Variants in FRMD3 observed in about 807,000 individuals in gnomAD.
FRMD3 encodes FERM domain-containing protein 3.
A neutral mutation model predicts 70.2 loss-of-function variants in FRMD3; 33 were observed. The ratio of observed to expected loss-of-function variants is 0.47; its 90% CI spans 0.36 to 0.63. FRMD3 has a LOEUF of 0.63. FRMD3 is among the 20% of genes least tolerant of loss of function. FRMD3 has a pLI of 0.00. For missense variants in FRMD3, 632 were observed against 711.4 expected, an observed-to-expected ratio of 0.89 and a Z score of 1.27; for synonymous variants, 279 against 255.9, an observed-to-expected ratio of 1.09 and a Z score of -0.86.
chr9:83,307,831 T>A (rs562265254), intron 10 of FRMD3, among the ~76,000 whole-genome samples: 307 of 152,222 alleles, frequency 2.0e-3, no homozygotes, highest in South Asian at 3.3e-3. Flanking sequence ...ATTTAAAAAA[T>A]TTTTTTTAAA....
rs1175480479 is a variant in FRMD3 at position 83,479,624 on chromosome 9, A to AAAGGAAGGAAGG, written c.147+58449_147+58460dup. 2.4e-4 allele frequency among the ~76,000 whole-genome samples: 15 copies of AAAGGAAGGAAGG among 61,462 alleles called. 1 individual carries two copies. Among genetic ancestry groups the AAAGGAAGGAAGG allele is most frequent in the East Asian group, 3.7e-4 (1 of 2,722 alleles). 40.3% of individuals were successfully genotyped at this position (61,462 alleles called of 152,430 possible). A position where few individuals can be genotyped will look rare whatever the true frequency, so the allele number is the denominator to read the frequency against. ...CCTGAGGGATAGCAAGACCCTGAAG[A>AAAGGAAGGAAGG]AAGGAAGGAAGGAAGGAAGGAAGGA... On this transcript the variant is annotated intron_variant, in intron 1 of 13. Coordinates refer to ENST00000304195, the MANE Select transcript of FRMD3 (RefSeq NM_174938.6).
rs532198512 is a variant in FRMD3, at chr9:83,529,740, C to G, written c.147+8345G>C. Among the ~76,000 whole-genome samples, 36 of 152,278 alleles carry G rather than the reference C, an allele frequency of 2.4e-4. 1 individual carries two copies. The South Asian group carries it at 6.6e-3, about 28-fold the overall frequency. Reference sequence around the variant, plus strand: ...AATGGGAAAAAATATTTGCAAATCACTTATTATATAAAGGGTTTGTGTCCA... The same window carrying G: ...AATGGGAAAAAATATTTGCAAATCAGTTATTATATAAAGGGTTTGTGTCCA... On this transcript the variant is annotated intron_variant, in intron 1 of 13. Coordinates refer to ENST00000304195, the MANE Select transcript of FRMD3 (RefSeq NM_174938.6).
chr9:83,436,002 G>A (rs1003876544), intron 1 of FRMD3, among the ~76,000 whole-genome samples: 2 of 152,104 alleles, frequency 1.3e-5, no homozygotes, highest in Admixed American at 6.5e-5. Context: ...TTAAAAAAGA[G>A]AACCCAGAAT....
At chr9:83,267,291 G>A (rs947819839) in intron 13 of FRMD3, 7 of 1,471,682 alleles carry the variant, frequency 4.8e-6, no homozygotes, top group Non-Finnish European at 6.3e-6. Context: ...TAACTCATGA[G>A]GGATCAGCAT....
At chr9:83,485,531 T>A (rs528019287) in intron 1 of FRMD3, among the ~76,000 whole-genome samples, 1 of 152,246 alleles carries the variant, frequency 6.6e-6, no homozygotes. Context: ...ACACATCATG[T>A]CTCACATCTA....
At chr9:83,337,395 A>G (rs1298540542) in intron 5 of FRMD3, among the ~76,000 whole-genome samples, 4 of 152,200 alleles carry the variant, frequency 2.6e-5, no homozygotes, top group Non-Finnish European at 2.9e-5. Flanking sequence ...TCAAGGGTAA[A>G]AAGAGAAATG....
intron 1 of FRMD3, among the ~76,000 whole-genome samples, chr9:83,483,662 C>T (rs773537168): frequency 6.6e-6 from 1 of 152,058 alleles, no homozygotes; most frequent in Non-Finnish European, 1.5e-5. Context: ...AGTTTGAGAC[C>T]AGCCTGCGCA....
intron 1 of FRMD3, among the ~76,000 whole-genome samples, chr9:83,468,694 A>C (rs927549042): frequency 2.6e-5 from 4 of 152,190 alleles, no homozygotes; most frequent in Non-Finnish European, 5.9e-5. Context: ...CATCCTTCCC[A>C]ATAGCAGGAT....
chr9:83,553,468 T>G, the FRMD3 span, among the ~76,000 whole-genome samples: 1 of 152,170 alleles, frequency 6.6e-6, no homozygotes, highest in Non-Finnish European at 1.5e-5. Context: ...GATCTTCTTG[T>G]GTAGAAGAAG....
the FRMD3 span, among the ~76,000 whole-genome samples, chr9:83,559,334 CA>C: frequency 6.6e-6 from 1 of 152,174 alleles, no homozygotes; most frequent in African/African-American, 2.4e-5. Flanking sequence ...CATTTTTTAG[CA>C]ATGAAGTATT....
chr9:83,453,711 A>ATTTTT (rs59376142), intron 1 of FRMD3, among the ~76,000 whole-genome samples: 5 of 115,096 alleles, frequency 4.3e-5, no homozygotes, highest in Non-Finnish European at 6.8e-5. Context: ...GTTTGTTTTA[A>ATTTTT]TTTTTTTTTT....
intron 2 of FRMD3, among the ~76,000 whole-genome samples, chr9:83,378,458 AT>A (rs1201402166): frequency 5.4e-5 from 5 of 93,100 alleles, no homozygotes; most frequent in Admixed American, 1.2e-4. Context: ...ATATATATAT[AT>A]AATATACATA....
intron 1 of FRMD3, among the ~76,000 whole-genome samples, chr9:83,455,392 A>C (rs915880532): frequency 6.6e-6 from 1 of 152,152 alleles, no homozygotes; most frequent in Non-Finnish European, 1.5e-5. Flanking sequence ...TAATTGAATC[A>C]TGGGGGCTGG....
At chr9:83,312,488 A>G (rs943544779) in intron 7 of FRMD3, among the ~76,000 whole-genome samples, 9 of 152,272 alleles carry the variant, frequency 5.9e-5, no homozygotes, top group African/African-American at 9.6e-5. Context: ...AGATAAGTGA[A>G]GGCAAAGGAA....
intron 1 of FRMD3, among the ~76,000 whole-genome samples, chr9:83,498,153 G>A (rs1192292330): frequency 2.1e-5 from 3 of 144,296 alleles, no homozygotes; most frequent in Non-Finnish European, 3.0e-5. Flanking sequence ...CTGGAAGACA[G>A]AGCAAGACTC....
intron 5 of FRMD3, among the ~76,000 whole-genome samples, chr9:83,341,343 T>C (rs542600042): frequency 6.6e-6 from 1 of 152,146 alleles, no homozygotes; most frequent in African/African-American, 2.4e-5. Context: ...AGGGCCCTGA[T>C]CGTCTGGATG....
At chr9:83,565,916 T>A in the FRMD3 span, among the ~76,000 whole-genome samples, 9 of 152,230 alleles carry the variant, frequency 5.9e-5, no homozygotes, top group African/African-American at 2.2e-4. Context: ...TGGCTCTGCA[T>A]ACTCCCATCT....
intron 1 of FRMD3, among the ~76,000 whole-genome samples, chr9:83,424,238 C>A (rs115251363): frequency 2.0e-5 from 3 of 152,306 alleles, no homozygotes; most frequent in African/African-American, 7.2e-5. Context: ...ATGTCTCCTG[C>A]TCTTACACAA....
chr9:83,364,054 T>A (rs1824708853), intron 3 of FRMD3, among the ~76,000 whole-genome samples: 1 of 152,204 alleles, frequency 6.6e-6, no homozygotes. Flanking sequence ...ATATTGAGCA[T>A]CTGTTTGTGA....
Sources: allele counts gnomAD v4.1 joint callset (sites outside exome capture counted in the v4.1 genomes callset), GRCh38; gene constraint gnomAD v4.1.1; transcripts MANE v1.5; gene names NCBI Gene and HGNC (gene_info 2026-07-23, HGNC 2026-07-21).